DIDO1: variants seen among roughly 807,000 people sequenced by gnomAD.
The protein encoded by DIDO1 is death inducer-obliterator 1, also known as death-inducer obliterator 1.
A neutral mutation model predicts 99.4 loss-of-function variants in DIDO1; 16 were observed. The observed-to-expected ratio is 0.16, with a 90% confidence interval of 0.11 to 0.24. The LOEUF (loss-of-function observed/expected upper bound fraction) is 0.24, where lower values mean the gene tolerates loss of function less well. DIDO1 is among the 10% of genes least tolerant of loss of function. DIDO1 has a pLI of 1.00. For missense variants in DIDO1, 2,996 were observed against 3,014.0 expected (o/e 0.99, Z 0.14); for synonymous variants, 1,366 against 1,239.1 (o/e 1.10, Z -2.15).
At chr20:62,885,631 CAG>C (rs1242665675) in intron 15 of DIDO1, among the ~76,000 whole-genome samples, 2 of 152,316 alleles carry the variant, frequency 1.3e-5, no homozygotes, top group African/African-American at 2.4e-5. Context: ...AAGAAAGCTG[CAG>C]AGTCAGATGG....
upstream of DIDO1, chr20:62,928,691 A>T (rs977319475): frequency 6.6e-6 from 1 of 152,260 alleles, no homozygotes; most frequent in Non-Finnish European, 1.5e-5. Flanking sequence ...AGTTGTTTCA[A>T]TAAATTGTTC....
chr20:62,912,075 G>A (rs1568873799), intron 2 of DIDO1, among the ~76,000 whole-genome samples: 2 of 152,202 alleles, frequency 1.3e-5, no homozygotes, highest in Non-Finnish European at 2.9e-5. Flanking sequence ...GCCAGTTTGG[G>A]TGTGGCCTGC....
chr20:62,909,907 T>C lies in DIDO1; in HGVS notation c.953A>G (p.Asn318Ser). The C allele has an allele frequency of 6.2e-7, 1 of 1,614,206 alleles. No individual in the cohort carries two copies. The highest frequency in any genetic ancestry group is 1.3e-5 in the African/African-American group (1 of 75,050). Residue 318 changes from asparagine (N) to serine (S), a missense_variant, in exon 4 of 16, where the codon AAC becomes AGC. Coordinates refer to ENST00000395343, the MANE Select transcript of DIDO1 (RefSeq NM_001193369.2). Reference protein sequence around the residue: ...ERNGEDYICPNCTILQVQDET... With the variant: ...ERNGEDYICPSCTILQVQDET... ...ATCCTGCACTTGCAGAATGGTGCAG[T>C]TTGGGCAGATATAGTCTTCCCCATT...
chr20:62,910,668 A>G, intron 3 of DIDO1, 106 bp downstream of exon 3: 1 of 1,319,590 alleles, frequency 7.6e-7, no homozygotes. Flanking sequence ...CATCTTTTCC[A>G]ACAAATCGCT....
At chr20:62,922,034 GAT>G (rs2065152397) in intron 1 of DIDO1, among the ~76,000 whole-genome samples, 1 of 136,240 alleles carries the variant, frequency 7.3e-6, no homozygotes, top group South Asian at 2.2e-4. Context: ...ATATCCACAC[GAT>G]ATATATACAC....
chr20:62,879,568 C>G lies in DIDO1; in HGVS notation c.6388G>C (p.Asp2130His), dbSNP rs954460049. Residue 2130 changes from aspartate to histidine, a missense_variant, in exon 16 of 16, where the codon GAC becomes CAC. By Grantham distance (81) the Asp-to-His change is moderately conservative. Transcript: ENST00000395343. The surrounding 1 kb of genome is among the most constrained non-coding windows in gnomAD (Gnocchi z 6.3). ...GRNWSRERDW[D>H]RPREWDRHRD... Reference sequence around the variant, plus strand: ...TGTCGGTCCCACTCCCGGGGCCGGTCCCAGTCCCGCTCTCGGCTCCAGTTT... The same window carrying G: ...TGTCGGTCCCACTCCCGGGGCCGGTGCCAGTCCCGCTCTCGGCTCCAGTTT... 1 of 1,601,624 alleles carries G rather than the reference C, an allele frequency of 6.2e-7. No homozygotes were observed. The highest frequency in any genetic ancestry group is 1.7e-5 in the Admixed American group (1 of 59,972).
chr20:62,880,448 TCCTCGTGGTCCA>T lies in DIDO1; in HGVS notation c.5496_5507del (p.Gly1833_Gly1836del). On this transcript the variant is annotated inframe_deletion, in exon 16 of 16. Coordinates refer to ENST00000395343, the MANE Select transcript of DIDO1 (RefSeq NM_001193369.2). ...GTTCTTCAAATTGGGATGGTGCCAC[TCCTCGTGGTCCA>T]CCAAGGTAAGAGGGTGAGGGGCCTC... is the stretch of plus-strand genomic sequence containing the variant. 1 of 1,612,880 alleles carries T rather than the reference TCCTCGTGGTCCA, an allele frequency of 6.2e-7. No individual in the cohort carries two copies. Among genetic ancestry groups the T allele is most frequent in the Non-Finnish European group, 8.5e-7 (1 of 1,179,990 alleles).
intron 15 of DIDO1, chr20:62,888,106 CCT>C (rs1209138727): frequency 1.8e-5 from 18 of 985,544 alleles, no homozygotes; most frequent in African/African-American, 1.6e-4. Context: ...TTAAGTTTCC[CCT>C]GAGGGCACAG....
intron 3 of DIDO1, among the ~76,000 whole-genome samples, chr20:62,910,312 C>CAGGCT (rs2064901709): frequency 6.6e-6 from 1 of 152,242 alleles, no homozygotes; most frequent in Non-Finnish European, 1.5e-5. Context: ...GCCAAGCCAA[C>CAGGCT]AGGCTGCCTA....
intron 8 of DIDO1, among the ~76,000 whole-genome samples, chr20:62,895,689 A>G (rs1010043124): frequency 6.6e-6 from 1 of 152,226 alleles, no homozygotes; most frequent in African/African-American, 2.4e-5. Flanking sequence ...CCGGCGGCCT[A>G]TCCCTCCCAG....
At chr20:62,933,449 T>G (rs2042000562) in intron 1 of DIDO1, among the ~76,000 whole-genome samples, 1 of 152,236 alleles carries the variant, frequency 6.6e-6, no homozygotes, top group Admixed American at 6.5e-5. Flanking sequence ...TTTGAAAGCC[T>G]GAAGTCTCCA....
At position 62,879,103 on chromosome 20, in the gene DIDO1, C is replaced by G; in HGVS notation, c.*130G>C. The G allele has an allele frequency of 1.2e-6, 1 of 826,590 alleles. No individual in the cohort carries two copies. The highest frequency in any genetic ancestry group is 1.8e-5 in the African/African-American group (1 of 55,628). 51.2% of individuals were successfully genotyped at this position (826,590 alleles called of 1,614,324 possible). ...GAAATCTTGTAAGAAACCATTTACA[C>G]AAAATTACAGTAATGTTTAAGTCCA... is the stretch of plus-strand genomic sequence containing the variant. On this transcript the variant is annotated 3_prime_UTR_variant, in exon 16 of 16. Transcript: ENST00000395343. The surrounding 1 kb of genome is among the most constrained non-coding windows in gnomAD (Gnocchi z 6.3).
rs762357648 is a variant in DIDO1, at chr20:62,879,909, G to A, written c.6047C>T (p.Pro2016Leu). 6 of 1,590,508 alleles carry A rather than the reference G, an allele frequency of 3.8e-6. No individual in the cohort carries two copies. The highest frequency in any genetic ancestry group is 5.1e-6 in the Non-Finnish European group (6 of 1,170,630). ...PSRFHFQGQA[P>L]QVMKPGPRPL... ...CCTGGGGCCCGGCTTCATCACCTGC[G>A]GGGCCTGGCCCTGGAAGTGAAATCG... is the stretch of plus-strand genomic sequence containing the variant. The change falls in exon 16 of 16, where the codon CCG (proline) becomes CTG (leucine). Residue 2016 changes from proline to leucine, a missense_variant. Around this residue, in one of 5 missense-constraint regions of DIDO1, gnomAD observed 1,562 missense variants for 1,412.6 expected, o/e 1.11. Transcript: ENST00000395343. The surrounding 1 kb of genome is among the most constrained non-coding windows in gnomAD (Gnocchi z 6.3).
chr20:62,906,909 C>T (rs547350802), intron 5 of DIDO1, among the ~76,000 whole-genome samples: 2 of 152,304 alleles, frequency 1.3e-5, no homozygotes, highest in African/African-American at 4.8e-5. Context: ...AGTCTTATGC[C>T]CCCCGTACAC....
rs372398610 is a variant in DIDO1 at position 62,894,031 on chromosome 20, A to C, written c.2736T>G (p.Ser912=). The C allele has an allele frequency of 2.5e-6, 4 of 1,614,128 alleles. No individual in the cohort carries two copies. The highest frequency in any genetic ancestry group is 3.3e-5 in the Admixed American group (2 of 60,014). Reference sequence around the variant, plus strand: ...GAGAAGCACTTTCTAGGCCTGGCTCAGAGGCAACTTCAGGCACAGCCTCCG... The same window carrying C: ...GAGAAGCACTTTCTAGGCCTGGCTCCGAGGCAACTTCAGGCACAGCCTCCG... ...VMPEAVPEVA[S]EPGLESASHP... Residue 912 remains serine, a synonymous_variant, in exon 12 of 16, where the codon TCT becomes TCG. Coordinates refer to ENST00000395343, the MANE Select transcript of DIDO1 (RefSeq NM_001193369.2). The surrounding 1 kb of genome is among the most constrained non-coding windows in gnomAD (Gnocchi z 4.4).
rs150124990 is a variant in DIDO1, at chr20:62,911,441, C to T, written c.172G>A (p.Gly58Ser). Residue 58 changes from glycine to serine, a missense_variant, in exon 3 of 16, where the codon GGC becomes AGC. By Grantham distance (56) the Gly-to-Ser change is moderately conservative. Coordinates refer to ENST00000395343, the MANE Select transcript of DIDO1 (RefSeq NM_001193369.2). This position sits in a 1 kb window ranked among gnomAD's most constrained non-coding sequence, Gnocchi z 7.0. Reference protein sequence around the residue: ...LEPPPPQQQLGLSLRRSGRQP... With the variant: ...LEPPPPQQQLSLSLRRSGRQP... The stretch of plus-strand genomic sequence containing the variant: ...CTCCCACTGCGCCGCAGGGACAGGC[C>T]CAGCTGCTGCTGTGGGGGTGGCGGC... 6.8e-5 allele frequency: 110 copies of T among 1,612,042 alleles called. No homozygotes were observed. In the African/African-American group the frequency reaches 1.3e-3, roughly 19 times the overall value.
At chr20:62,917,739 G>A (rs531171348) in intron 1 of DIDO1, among the ~76,000 whole-genome samples, 2 of 152,194 alleles carry the variant, frequency 1.3e-5, no homozygotes, top group African/African-American at 4.8e-5. Context: ...CATCATCAGG[G>A]ACATTATTTG....
At chr20:62,895,814 A>T (rs2064506774) in intron 8 of DIDO1, among the ~76,000 whole-genome samples, 1 of 152,166 alleles carries the variant, frequency 6.6e-6, no homozygotes, top group Non-Finnish European at 1.5e-5. Context: ...AGCCCAAACC[A>T]TCAGGCTCAC....
chr20:62,907,062 C>A lies in DIDO1; in HGVS notation c.1374+85G>T, dbSNP rs981766387. On this transcript the variant is annotated intron_variant, in intron 5 of 15. Coordinates refer to ENST00000395343, the MANE Select transcript of DIDO1 (RefSeq NM_001193369.2). ...CGCCCCCCTACACCTGCCACCCCCA[C>A]ACGGTCTACAAACCAACAGTTCTGC... 9 of 1,439,686 alleles carry A rather than the reference C, an allele frequency of 6.3e-6. No homozygotes were observed. The African/African-American group carries it at 9.8e-5, about 16-fold the overall frequency. 89.2% of individuals were successfully genotyped at this position (1,439,686 alleles called of 1,614,324 possible). A position where few individuals can be genotyped will look rare whatever the true frequency, so the allele number is the denominator to read the frequency against.
Sources: allele counts gnomAD v4.1 joint callset (sites outside exome capture counted in the v4.1 genomes callset), GRCh38; gene constraint gnomAD v4.1.1; regional missense constraint gnomAD v4.1.1; non-coding constraint Gnocchi (gnomAD v3.1); transcripts MANE v1.5; gene names NCBI Gene and HGNC (gene_info 2026-07-23, HGNC 2026-07-21).